Variants in PRIMA1 observed in about 807,000 individuals in gnomAD.
PRIMA1 encodes proline rich membrane anchor 1, also known as proline-rich membrane anchor 1.
In PRIMA1, 7 loss-of-function variants were observed where a neutral mutation model predicts 17.5. The observed-to-expected ratio is 0.40, with a 90% CI of 0.23 to 0.75. The LOEUF (loss-of-function observed/expected upper bound fraction) is 0.75. PRIMA1 is among the 30% of genes least tolerant of loss of function. The pLI is 0.37. For missense variants in PRIMA1, 200 were observed against 201.8 expected (o/e 0.99, Z 0.05); for synonymous variants, 97 against 77.9 (o/e 1.25, Z -1.29).
At chr14:93,724,608 A>G (rs59113969) in intron 4 of PRIMA1, among the ~76,000 whole-genome samples, 8,323 of 152,232 alleles carry the variant, frequency 0.055, 735 homozygotes, top group African/African-American at 0.19. Flanking sequence ...ATTTTCTTAC[A>G]GTGAGATCCT....
chr14:93,727,693 TACAGAACAGGTGGGCACAG>T (rs2076087361), intron 4 of PRIMA1, among the ~76,000 whole-genome samples: 1 of 152,120 alleles, frequency 6.6e-6, no homozygotes, highest in Non-Finnish European at 1.5e-5. Context: ...GGAGGTCCTA[TACAGAACAGGTGGGCACAG>T]GCAGACACAT....
chr14:93,733,387 A>T (rs1188804756), intron 4 of PRIMA1, among the ~76,000 whole-genome samples: 1 of 152,190 alleles, frequency 6.6e-6, no homozygotes, highest in Non-Finnish European at 1.5e-5. Context: ...CCTCCTGCCA[A>T]GGTCCAGCCC....
chr14:93,721,794 G>A (rs907619663), intron 4 of PRIMA1, among the ~76,000 whole-genome samples: 4 of 152,148 alleles, frequency 2.6e-5, no homozygotes, highest in Non-Finnish European at 4.4e-5. Context: ...GGGAAAGAGG[G>A]GAGCTATTAA....
At chr14:93,732,025 A>G in intron 4 of PRIMA1, among the ~76,000 whole-genome samples, 1 of 152,226 alleles carries the variant, frequency 6.6e-6, no homozygotes, top group East Asian at 1.9e-4. Context: ...TCAGCAATTA[A>G]CGTCTGCAGG....
At chr14:93,773,909 C>T (rs1885137198) in intron 3 of PRIMA1, among the ~76,000 whole-genome samples, 1 of 152,146 alleles carries the variant, frequency 6.6e-6, no homozygotes, top group Admixed American at 6.5e-5. Context: ...GCCTGACCAA[C>T]ATGGTGAAAT....
chr14:93,731,356 G>A (rs948566342), intron 4 of PRIMA1, among the ~76,000 whole-genome samples: 1 of 116,206 alleles, frequency 8.6e-6, no homozygotes, highest in African/African-American at 2.8e-5. Context: ...AACATCAGAA[G>A]AAACAGCTAA....
Position 93,737,297 on chromosome 14 carries a change from A to C in PRIMA1, c.303T>G (p.Cys101Trp). ...GCACAGTCAGAAACACCAGGGAGGC[A>C]CAGCATACGGCAATGATGATCACCA... is the stretch of plus-strand genomic sequence containing the variant. Reference protein sequence around the residue: ...SGLVIIIAVCCASLVFLTVLV... With the variant: ...SGLVIIIAVCWASLVFLTVLV... The change falls in exon 4 of 5, where the codon TGT (cysteine) becomes TGG (tryptophan). Residue 101 changes from cysteine (C) to tryptophan (W), a missense_variant. Cys to Trp is a radical substitution (Grantham distance 215). Transcript: ENST00000393140. The C allele has an allele frequency of 6.2e-7, 1 of 1,614,170 alleles. No individual in the cohort carries two copies. The highest frequency in any genetic ancestry group is 8.5e-7 in the Non-Finnish European group (1 of 1,180,026).
At chr14:93,722,573 TAAA>T (rs2076046706) in intron 4 of PRIMA1, among the ~76,000 whole-genome samples, 1 of 142,674 alleles carries the variant, frequency 7.0e-6, no homozygotes, top group Non-Finnish European at 1.6e-5. Context: ...TGTTGAAGGT[TAAA>T]ATGCTGGTGG....
At chr14:93,757,015 A>C (rs1372544230) in intron 3 of PRIMA1, among the ~76,000 whole-genome samples, 2 of 152,188 alleles carry the variant, frequency 1.3e-5, no homozygotes, top group Non-Finnish European at 2.9e-5. Context: ...CCAGAGATAG[A>C]AGAAAACCCA....
rs949977293 is a variant in PRIMA1, at chr14:93,719,837, AC to A, written c.*1606del. On this transcript the variant is annotated 3_prime_UTR_variant, in exon 5 of 5. Coordinates refer to ENST00000393140, the MANE Select transcript of PRIMA1 (RefSeq NM_178013.4). Reference sequence around the variant, plus strand: ...TAGAAGGAAATGAGGAAAGAAGAAAACCCCTTTATGGGAGGGTATGCCCTGG... The same window carrying A: ...TAGAAGGAAATGAGGAAAGAAGAAAACCCTTTATGGGAGGGTATGCCCTGG... The A allele has an allele frequency of 4.0e-5, 6 of 151,760 alleles. No individual in the cohort carries two copies. Among genetic ancestry groups the A allele is most frequent in the African/African-American group, 1.5e-4 (6 of 41,316 alleles). 9.4% of individuals were successfully genotyped at this position (151,760 alleles called of 1,614,324 possible).
chr14:93,742,990 G>A (rs1350048590), intron 3 of PRIMA1, among the ~76,000 whole-genome samples: 1 of 152,224 alleles, frequency 6.6e-6, no homozygotes, highest in African/African-American at 2.4e-5. Context: ...GGACTGACAG[G>A]AGGGAACAGA....
At chr14:93,744,791 CT>C (rs1380802916) in intron 3 of PRIMA1, among the ~76,000 whole-genome samples, 1 of 152,180 alleles carries the variant, frequency 6.6e-6, no homozygotes, top group Non-Finnish European at 1.5e-5. Context: ...GCAGGAAGCT[CT>C]TGGCTGCCCA....
At chr14:93,748,937 T>C (rs1481979019) in intron 3 of PRIMA1, among the ~76,000 whole-genome samples, 1 of 152,134 alleles carries the variant, frequency 6.6e-6, no homozygotes, top group Non-Finnish European at 1.5e-5. Context: ...AGGGAGGGTC[T>C]GGGTGGAGGC....
chr14:93,779,106 A>G (rs34914817), intron 3 of PRIMA1, 70 bp downstream of exon 3: 441,537 of 1,161,822 alleles, frequency 0.38, 87,949 homozygotes, highest in Non-Finnish European at 0.42. Flanking sequence ...CCTCGGCCAC[A>G]CTCAGTGGAT....
In PRIMA1 at chr14:93,725,076, A is replaced by T. The variant is rs563520630; in HGVS notation, c.360-3530T>A. Among the ~76,000 whole-genome samples, 984 of 152,168 alleles carry T rather than the reference A, an allele frequency of 6.5e-3. 3 individuals carry two copies. The highest frequency in any genetic ancestry group is 0.014 in the Middle Eastern group (4 of 294). On this transcript the variant is annotated intron_variant, in intron 4 of 4. Coordinates refer to ENST00000393140, the MANE Select transcript of PRIMA1 (RefSeq NM_178013.4). The stretch of plus-strand genomic sequence containing the variant: ...GGTGGCTCGGAAGAGCTAAGCAGGA[A>T]GTGAGCCTGGCAGGAGGACCCTGGA...
At chr14:93,786,119 G>A (rs1885517644) in intron 2 of PRIMA1, among the ~76,000 whole-genome samples, 2 of 152,174 alleles carry the variant, frequency 1.3e-5, no homozygotes, top group Non-Finnish European at 2.9e-5. Flanking sequence ...GTGTCTTATG[G>A]AAGAGAGAAA....
chr14:93,736,300 T>C (rs2076149692), intron 4 of PRIMA1, among the ~76,000 whole-genome samples: 1 of 152,190 alleles, frequency 6.6e-6, no homozygotes, highest in African/African-American at 2.4e-5. Context: ...CCTGGGCAGC[T>C]CTCCAACTCC....
chr14:93,783,826 A>G lies in PRIMA1; in HGVS notation c.93+3800T>C, dbSNP rs114322449. Among the ~76,000 whole-genome samples the G allele has an allele frequency of 6.4e-3, 972 of 152,310 alleles. 11 individuals carry two copies. The highest frequency in any genetic ancestry group is 0.022 in the African/African-American group (924 of 41,564). ...TACCTGTAGCAGAGGTCTGAGGGAC[A>G]CAGTGTTCCCAGCATCAGTTCCCTC... On this transcript the variant is annotated intron_variant, in intron 2 of 4. Coordinates refer to ENST00000393140, the MANE Select transcript of PRIMA1 (RefSeq NM_178013.4).
At chr14:93,788,610 A>T (rs1178570621), upstream of PRIMA1, 1 of 151,430 alleles carries the variant, frequency 6.6e-6, no homozygotes, top group Admixed American at 6.6e-5. Context: ...GCCGGGGAGG[A>T]GCGCCCGGCG....
Sources: gnomAD v4.1 joint callset for allele counts (sites outside exome capture counted in the v4.1 genomes callset) on GRCh38, gnomAD v4.1.1 for gene constraint, MANE v1.5 for transcripts, NCBI Gene and HGNC (gene_info 2026-07-23, HGNC 2026-07-21) for gene names.